RAF1: variants seen among roughly 807,000 people sequenced by gnomAD.
RAF1 encodes the protein RAF proto-oncogene serine/threonine-protein kinase.
RAF1 carries 27 observed loss-of-function variants against 81.1 expected under a neutral mutation model. That is an observed-to-expected ratio of 0.33 (90% CI 0.25 to 0.46). The LOEUF is 0.46. Ranked by LOEUF, RAF1 falls within the 20% of genes least tolerant of loss-of-function variation. RAF1 has a pLI of 1.00. For synonymous variants in RAF1, 298 were observed against 294.0 expected (o/e 1.01, Z -0.14); for missense variants, 598 against 826.0 (o/e 0.72, Z 3.38).
intron 1 of RAF1, among the ~76,000 whole-genome samples, chr3:12,647,132 TA>T (rs2125551312): frequency 6.7e-6 from 1 of 149,878 alleles, no homozygotes; most frequent in Admixed American, 6.6e-5. Flanking sequence ...CCGTCTCTAC[TA>T]AAAATACAAA....
intron 2 of RAF1, among the ~76,000 whole-genome samples, chr3:12,612,267 T>C (rs888304095): frequency 3.9e-5 from 6 of 152,340 alleles, no homozygotes; most frequent in African/African-American, 1.4e-4. Flanking sequence ...GCAGCTATTA[T>C]ATTACTTATA....
At chr3:12,600,991 G>A (rs1327240836) in intron 8 of RAF1, among the ~76,000 whole-genome samples, 1 of 152,198 alleles carries the variant, frequency 6.6e-6, no homozygotes, top group African/African-American at 2.4e-5. Context: ...CCAAAGATTG[G>A]GATTCTTGTT....
At chr3:12,646,975 G>A (rs2060367975) in intron 1 of RAF1, among the ~76,000 whole-genome samples, 1 of 151,454 alleles carries the variant, frequency 6.6e-6, no homozygotes, top group Admixed American at 6.6e-5. Flanking sequence ...GTGAGCCACT[G>A]TGCCTGGTTT....
chr3:12,613,427 C>G lies in RAF1; in HGVS notation c.208-1365G>C, dbSNP rs557879533. ...CGCTCCCCCACCCCGCCATCCCCCC[C>G]CACACCCCGCCCCCAGAAGGTGGTG... On this transcript the variant is annotated intron_variant, in intron 2 of 17. Coordinates refer to ENST00000442415, the MANE Select transcript of RAF1 (RefSeq NM_001354689.3). Among the ~76,000 whole-genome samples, 110 of 151,874 alleles carry G rather than the reference C, an allele frequency of 7.2e-4. No individual in the cohort carries two copies. The South Asian group carries it at 7.9e-3, about 11-fold the overall frequency.
intron 12 of RAF1, 124 bp from the exon 12 acceptor site, chr3:12,591,098 G>T: frequency 1.1e-6 from 1 of 894,200 alleles, no homozygotes; most frequent in Non-Finnish European, 1.7e-6. Context: ...ACCACCCCCA[G>T]TCCCAAAAAC....
chr3:12,636,169 C>G (rs901462378), intron 1 of RAF1, among the ~76,000 whole-genome samples: 7 of 151,416 alleles, frequency 4.6e-5, no homozygotes, highest in African/African-American at 1.7e-4. Context: ...ACCTGTAATC[C>G]CAGCTACTTG....
chr3:12,594,152 AG>A (rs2058614720), intron 11 of RAF1, among the ~76,000 whole-genome samples: 1 of 152,164 alleles, frequency 6.6e-6, no homozygotes, highest in East Asian at 1.9e-4. Flanking sequence ...GCAATAGCTC[AG>A]GAAAGGTACA....
At chr3:12,591,002 GGGA>G in intron 12 of RAF1, 28 bp from the exon 12 acceptor site, 1 of 1,580,676 alleles carries the variant, frequency 6.3e-7, no homozygotes, top group Non-Finnish European at 8.6e-7. Flanking sequence ...AGAGAGGAGA[GGGA>G]GGAGGAAAGT....
At chr3:12,660,858 C>G (rs1472908583) in intron 1 of RAF1, among the ~76,000 whole-genome samples, 1 of 152,026 alleles carries the variant, frequency 6.6e-6, no homozygotes, top group Admixed American at 6.6e-5. Flanking sequence ...GCCTGTAGTC[C>G]CAGCTACTCA....
intron 1 of RAF1, among the ~76,000 whole-genome samples, chr3:12,633,787 T>G (rs1283192657): frequency 6.6e-6 from 1 of 151,330 alleles, no homozygotes; most frequent in Non-Finnish European, 1.5e-5. Context: ...ATACAAAAAT[T>G]AGCTGGGTGT....
At chr3:12,659,257 G>C (rs1336718099) in intron 1 of RAF1, among the ~76,000 whole-genome samples, 1 of 151,314 alleles carries the variant, frequency 6.6e-6, no homozygotes, top group Non-Finnish European at 1.5e-5. Flanking sequence ...GTGAAACCTC[G>C]TCTCTACTAA....
chr3:12,612,081 C>T lies in RAF1; in HGVS notation c.208-19G>A, dbSNP rs1309322975. ...CATTGACCTACAAACAAAGGACCAC[C>T]TTTAGGACCAACACAGGCTGCAGCA... On this transcript the variant is annotated intron_variant, in intron 2 of 17. Transcript: ENST00000442415. The T allele has an allele frequency of 1.9e-6, 3 of 1,595,068 alleles. No homozygotes were observed. The Admixed American group carries it at 5.0e-5, about 27-fold the overall frequency.
rs1219399076 is a variant in RAF1, at chr3:12,604,280, G to A, written c.690C>T (p.His230=). Residue 230 remains histidine (H), a synonymous_variant, in exon 7 of 18, where the codon CAC becomes CAT. Coordinates refer to ENST00000442415, the MANE Select transcript of RAF1 (RefSeq NM_001354689.3). ...TGAAGGCGTGAGGTGTAGAATATCT[G>A]TGCTGAGAACTAGGAGGAGAAAGAA... 1 of 1,614,052 alleles carries A rather than the reference G, an allele frequency of 6.2e-7. No homozygotes were observed. The highest frequency in any genetic ancestry group is 8.5e-7 in the Non-Finnish European group (1 of 1,179,960).
chr3:12,607,949 C>CAAA (rs58308841), intron 5 of RAF1, among the ~76,000 whole-genome samples: 971 of 66,730 alleles, frequency 0.015, 11 homozygotes, highest in Admixed American at 0.019. Flanking sequence ...GACTTGTCTC[C>CAAA]AAAAAAAAAA....
intron 6 of RAF1, among the ~76,000 whole-genome samples, chr3:12,605,889 G>A (rs1273318755): frequency 6.6e-6 from 1 of 152,144 alleles, no homozygotes; most frequent in African/African-American, 2.4e-5. Flanking sequence ...CCTTTCCATT[G>A]AGGTTGAACT....
chr3:12,660,673 T>C (rs997961221), intron 1 of RAF1, among the ~76,000 whole-genome samples: 1 of 152,138 alleles, frequency 6.6e-6, no homozygotes, highest in Non-Finnish European at 1.5e-5. Flanking sequence ...CTACAATTTA[T>C]AATCACAAAA....
chr3:12,657,213 T>C (rs2125583317), intron 1 of RAF1, among the ~76,000 whole-genome samples: 1 of 152,248 alleles, frequency 6.6e-6, no homozygotes, highest in South Asian at 2.1e-4. Flanking sequence ...AAGAATTGTA[T>C]ATACTTAGTC....
At chr3:12,627,439 T>C (rs762553867) in intron 1 of RAF1, among the ~76,000 whole-genome samples, 2 of 152,126 alleles carry the variant, frequency 1.3e-5, no homozygotes, top group Admixed American at 1.3e-4. Context: ...CGTTAAAAAA[T>C]TACTACATGG....
At chr3:12,629,145 G>A (rs1334056770) in intron 1 of RAF1, among the ~76,000 whole-genome samples, 1 of 151,956 alleles carries the variant, frequency 6.6e-6, no homozygotes, top group African/African-American at 2.4e-5. Context: ...CAAAACCAAC[G>A]AAACAATGGT....
Sources: gnomAD v4.1 joint callset for allele counts (sites outside exome capture counted in the v4.1 genomes callset) on GRCh38, gnomAD v4.1.1 for gene constraint, MANE v1.5 for transcripts, NCBI Gene and HGNC (gene_info 2026-07-23, HGNC 2026-07-21) for gene names.